ZCCHC14: variants seen among roughly 807,000 people sequenced by gnomAD.
ZCCHC14 encodes zinc finger CCHC domain-containing protein 14.
Under a neutral mutation model 85.0 loss-of-function variants are expected in ZCCHC14, and 16 were observed. The observed-to-expected ratio is 0.19, with a 90% CI of 0.13 to 0.29. The LOEUF (loss-of-function observed/expected upper bound fraction) is 0.29, where lower values mean the gene tolerates loss of function less well. ZCCHC14 is among the 10% of genes least tolerant of loss of function. ZCCHC14 has a pLI of 1.00. For missense variants in ZCCHC14, 1,303 were observed against 1,443.5 expected, an observed-to-expected ratio of 0.90 and a Z score of 1.58; for synonymous variants, 775 against 630.7, an observed-to-expected ratio of 1.23 and a Z score of -3.43.
At chr16:87,419,678 C>G (rs1004590121) in intron 6 of ZCCHC14, 105 bp downstream of exon 6, 2 of 933,156 alleles carry the variant, frequency 2.1e-6, no homozygotes, top group Non-Finnish European at 1.5e-6. Context: ...TCAGGTGATC[C>G]GCCCGCCTCA....
intron 2 of ZCCHC14, among the ~76,000 whole-genome samples, chr16:87,453,119 C>T (rs1292028458): frequency 6.6e-6 from 1 of 152,226 alleles, no homozygotes; most frequent in Non-Finnish European, 1.5e-5. Context: ...CTGTGACAAC[C>T]TCCAGCAAAG....
chr16:87,419,462 G>A (rs1908973606), intron 6 of ZCCHC14, among the ~76,000 whole-genome samples: 1 of 152,210 alleles, frequency 6.6e-6, no homozygotes, highest in African/African-American at 2.4e-5. Flanking sequence ...CACCACGCCT[G>A]GCTAATTTTT....
At position 87,492,602 on chromosome 16, in the gene ZCCHC14, T is replaced by C; in HGVS notation, c.-364A>G. The C allele has an allele frequency of 7.1e-6, 1 of 140,466 alleles. No individual in the cohort carries two copies. The highest frequency in any genetic ancestry group is 2.3e-4 in the East Asian group (1 of 4,378). 8.7% of individuals were successfully genotyped at this position (140,466 alleles called of 1,614,324 possible). ...CGGCGGCGGCGGCGGCTGCTCCTCG[T>C]CGTCGTCGTCGTCGTCGCCCGGGAG... On this transcript the variant is annotated 5_prime_UTR_variant, in exon 1 of 13. Transcript: ENST00000671377. This position sits in a 1 kb window ranked among gnomAD's most constrained non-coding sequence, Gnocchi z 6.7.
intron 3 of ZCCHC14, among the ~76,000 whole-genome samples, chr16:87,432,180 C>T (rs1329990721): frequency 1.3e-5 from 2 of 152,224 alleles, no homozygotes; most frequent in African/African-American, 4.8e-5. Context: ...CGCTGGGAAC[C>T]GACCTTCAAG....
intron 1 of ZCCHC14, among the ~76,000 whole-genome samples, chr16:87,477,393 G>A (rs956059385): frequency 1.3e-5 from 2 of 152,290 alleles, no homozygotes; most frequent in Non-Finnish European, 1.5e-5. Flanking sequence ...AGGGCCGGCC[G>A]CGCACATGGG....
intron 1 of ZCCHC14, chr16:87,467,360 T>A: frequency 6.3e-6 from 10 of 1,597,268 alleles, no homozygotes; most frequent in Non-Finnish European, 7.7e-6. Context: ...TCTGCACCCC[T>A]GGGGTAATTA....
At chr16:87,478,895 G>A (rs560068739) in intron 1 of ZCCHC14, among the ~76,000 whole-genome samples, 10 of 152,094 alleles carry the variant, frequency 6.6e-5, no homozygotes, top group Admixed American at 1.3e-4. Context: ...GTGAGCCACC[G>A]CACCCGGCCA....
rs995979135 is a variant in ZCCHC14 at position 87,411,508 on chromosome 16, G to A, written c.3205+8C>T. The A allele has an allele frequency of 8.7e-6, 14 of 1,613,184 alleles. No homozygotes were observed. The highest frequency in any genetic ancestry group is 2.2e-5 in the East Asian group (1 of 44,888). The stretch of plus-strand genomic sequence containing the variant: ...AGCCTGGTGGGCGCGGCCATGGCGC[G>A]CGCTTACCTGGCCGGTTGAAGTCCA... On this transcript the variant is annotated splice_region_variant and intron_variant, in intron 12 of 12. Coordinates refer to ENST00000671377, the MANE Select transcript of ZCCHC14 (RefSeq NM_015144.3).
At chr16:87,462,050 T>C (rs886320554) in intron 1 of ZCCHC14, among the ~76,000 whole-genome samples, 3 of 150,482 alleles carry the variant, frequency 2.0e-5, no homozygotes, top group Non-Finnish European at 4.4e-5. Context: ...GGAGGACTGC[T>C]TGAAACTATG....
intron 1 of ZCCHC14, among the ~76,000 whole-genome samples, chr16:87,484,452 T>G (rs1394194644): frequency 6.6e-6 from 1 of 152,220 alleles, no homozygotes; most frequent in East Asian, 1.9e-4. Flanking sequence ...GAGGAATAAC[T>G]GAAGGTGAGG....
At chr16:87,444,808 CGAACTT>C (rs1910355153) in intron 2 of ZCCHC14, among the ~76,000 whole-genome samples, 1 of 152,124 alleles carries the variant, frequency 6.6e-6, no homozygotes, top group Non-Finnish European at 1.5e-5. Flanking sequence ...CCTGGGATTC[CGAACTT>C]GATCCTCTGG....
At chr16:87,428,214 C>T (rs73240828) in intron 3 of ZCCHC14, among the ~76,000 whole-genome samples, 91 of 152,224 alleles carry the variant, frequency 6.0e-4, no homozygotes, top group Middle Eastern at 3.4e-3. Context: ...AAACAGTAAC[C>T]TTTTGTATCC....
chr16:87,413,119 G>A lies in ZCCHC14; in HGVS notation c.1680C>T (p.Ser560=), dbSNP rs375851376. 7 of 1,613,426 alleles carry A rather than the reference G, an allele frequency of 4.3e-6. No homozygotes were observed. The highest frequency in any genetic ancestry group is 8.5e-7 in the Non-Finnish European group (1 of 1,179,790). The change falls in exon 11 of 13, where the codon TCC becomes TCT. Residue 560 remains serine (S), a synonymous_variant. Transcript: ENST00000671377. ...EGSSSEYSSS[S]SSPMGVQARE... ...GGGCCTGTACCCCCATGGGGCTGGAGGAGGAGCTGGAGTACTCCGAGGAAC... is the reference window on the plus strand; with the variant it reads ...GGGCCTGTACCCCCATGGGGCTGGAAGAGGAGCTGGAGTACTCCGAGGAAC...
chr16:87,434,770 T>C (rs940694646), intron 2 of ZCCHC14, among the ~76,000 whole-genome samples: 1 of 151,984 alleles, frequency 6.6e-6, no homozygotes, highest in Admixed American at 6.6e-5. Flanking sequence ...GGCAGGCAAA[T>C]CACAAGGTCA....
intron 1 of ZCCHC14, among the ~76,000 whole-genome samples, chr16:87,489,018 C>A (rs1305813723): frequency 6.6e-6 from 1 of 152,180 alleles, no homozygotes. Context: ...ACAGCTTTAA[C>A]GGGGCTGCTT....
At chr16:87,489,410 A>G (rs1175143121) in intron 1 of ZCCHC14, among the ~76,000 whole-genome samples, 2 of 152,282 alleles carry the variant, frequency 1.3e-5, no homozygotes, top group African/African-American at 2.4e-5. Flanking sequence ...CAAGATGTAA[A>G]TAATTCAATC....
At chr16:87,436,353 G>A (rs1416553734) in intron 2 of ZCCHC14, among the ~76,000 whole-genome samples, 3 of 152,270 alleles carry the variant, frequency 2.0e-5, no homozygotes, top group Non-Finnish European at 4.4e-5. Flanking sequence ...GCCCAGGAGC[G>A]ACGCAGCGAG....
In ZCCHC14 at chr16:87,412,488, T is replaced by C. The variant is rs776454736; in HGVS notation, c.2233A>G (p.Thr745Ala). The part of the protein sequence containing the change: ...HASTLDRVLK[T>A]AQQPALVVET... ...ACGACCAGGGCCGGTTGCTGTGCTG[T>C]CTTCAGCACCCTGTCCAGCGTGGAT... The change falls in exon 12 of 13, where the codon ACA becomes GCA. Residue 745 changes from threonine (T) to alanine (A), a missense_variant. This residue lies in a region of ZCCHC14 where 797 missense variants were observed against 730.8 expected (regional missense o/e 1.09). Transcript: ENST00000671377. 1.2e-6 allele frequency: 2 copies of C among 1,613,988 alleles called. No homozygotes were observed. The highest frequency in any genetic ancestry group is 1.7e-6 in the Non-Finnish European group (2 of 1,180,018).
intron 1 of ZCCHC14, chr16:87,473,734 C>T (rs1259720601): frequency 1.3e-5 from 2 of 151,946 alleles, no homozygotes; most frequent in East Asian, 1.9e-4. Flanking sequence ...CTTTACAGTG[C>T]TTTGGGGATA....
Sources: gnomAD v4.1 joint callset for allele counts (sites outside exome capture counted in the v4.1 genomes callset) on GRCh38, gnomAD v4.1.1 for gene constraint, gnomAD v4.1.1 regional missense constraint, Gnocchi (gnomAD v3.1) non-coding constraint, MANE v1.5 for transcripts, NCBI Gene and HGNC (gene_info 2026-07-23, HGNC 2026-07-21) for gene names.